CEP135: variants seen among roughly 807,000 people sequenced by gnomAD.
CEP135 encodes the protein centrosomal protein 135.
A neutral mutation model predicts 157.3 loss-of-function variants in CEP135; 142 were observed. The ratio of observed to expected loss-of-function variants is 0.90; its 90% CI spans 0.79 to 1.04. The LOEUF (loss-of-function observed/expected upper bound fraction) is 1.04, where lower values mean the gene tolerates loss of function less well. Among genes scored for constraint, CEP135 ranks in the 50% least tolerant of loss-of-function variants. CEP135 has a pLI of 0.00. For synonymous variants in CEP135, 396 were observed against 439.8 expected, an observed-to-expected ratio of 0.90 and a Z score of 1.25; for missense variants, 1,317 against 1,309.2, an observed-to-expected ratio of 1.01 and a Z score of -0.09.
At chr4:55,977,990 C>T (rs1018043682) in intron 11 of CEP135, among the ~76,000 whole-genome samples, 1 of 152,166 alleles carries the variant, frequency 6.6e-6, no homozygotes, top group Non-Finnish European at 1.5e-5. Flanking sequence ...ACAGTTCCTG[C>T]CCTTACAGCC....
chr4:55,953,400 G>T (rs1372295878), intron 3 of CEP135, 125 bp downstream of exon 3: 1 of 676,404 alleles, frequency 1.5e-6, no homozygotes, highest in Non-Finnish European at 2.3e-6. Flanking sequence ...GCTGGATGGT[G>T]TGTGCCTATA....
At chr4:56,020,372 C>G (rs771233164) in intron 23 of CEP135, among the ~76,000 whole-genome samples, 1 of 152,162 alleles carries the variant, frequency 6.6e-6, no homozygotes, top group Non-Finnish European at 1.5e-5. Flanking sequence ...ATTAATATTT[C>G]TCTTTCCAAG....
In CEP135 at chr4:55,962,715, CT is replaced by C. The variant is rs1282764971; in HGVS notation, c.700-1551del. ...CATGACTTCATTTTTTTCCAGTTTTCTTTTTTTTAAGCCTCTTTTTTTTTTT... is the reference window on the plus strand; with the variant it reads ...CATGACTTCATTTTTTTCCAGTTTTCTTTTTTTAAGCCTCTTTTTTTTTTT... On this transcript the variant is annotated intron_variant, in intron 6 of 25. Transcript: ENST00000257287. Among the ~76,000 whole-genome samples, 16 of 130,708 alleles carry C rather than the reference CT, an allele frequency of 1.2e-4. No homozygotes were observed. In the South Asian group the frequency reaches 1.5e-3, roughly 12 times the overall value. The allele number at this position is 130,708 out of a possible 152,430, so 85.7% of individuals were successfully genotyped here.
At chr4:55,991,192 A>G (rs1035765951) in intron 14 of CEP135, among the ~76,000 whole-genome samples, 3 of 152,018 alleles carry the variant, frequency 2.0e-5, no homozygotes, top group African/African-American at 4.8e-5. Context: ...TAGCCAGGAT[A>G]GTCTCCATCT....
chr4:55,982,144 C>T (rs542099067), intron 13 of CEP135, among the ~76,000 whole-genome samples: 4 of 152,256 alleles, frequency 2.6e-5, no homozygotes, highest in African/African-American at 7.2e-5. Context: ...CCACAGGCAG[C>T]CACCTGTGTC....
chr4:56,028,232 T>C (rs969860383), intron 25 of CEP135, among the ~76,000 whole-genome samples: 1 of 152,186 alleles, frequency 6.6e-6, no homozygotes, highest in African/African-American at 2.4e-5. Context: ...TCTTTTAGTA[T>C]ATACCTGAGA....
chr4:56,001,646 TTGGATAGCTGTA>T (rs1046781837), intron 17 of CEP135, among the ~76,000 whole-genome samples: 1 of 152,178 alleles, frequency 6.6e-6, no homozygotes, highest in African/African-American at 2.4e-5. Flanking sequence ...ACCATGCTGA[TTGGATAGCTGTA>T]TGGTATATTT....
At chr4:56,007,225 G>C (rs1360122756) in intron 17 of CEP135, among the ~76,000 whole-genome samples, 3 of 152,108 alleles carry the variant, frequency 2.0e-5, no homozygotes, top group Non-Finnish European at 2.9e-5. Flanking sequence ...GGTTACATTT[G>C]CTTAGAGATT....
rs781133646 is a variant in CEP135, at chr4:55,999,660, A to G, written c.2280+15A>G. The stretch of plus-strand genomic sequence containing the variant: ...TAGCTAATAAAGTATGTGATCGTTT[A>G]ATGTAATTTTCCAGCATCCAAACAG... On this transcript the variant is annotated intron_variant, in intron 17 of 25. Transcript: ENST00000257287. 6.3e-7 allele frequency: 1 copy of G among 1,577,448 alleles called. No homozygotes were observed. The highest frequency in any genetic ancestry group is 8.5e-7 in the Non-Finnish European group (1 of 1,170,458).
chr4:56,016,411 T>G (rs1162253003), intron 21 of CEP135, among the ~76,000 whole-genome samples: 1 of 152,014 alleles, frequency 6.6e-6, no homozygotes, highest in East Asian at 1.9e-4. Flanking sequence ...ATTAAAGGAG[T>G]GCCTTTCAAC....
At chr4:55,982,667 C>A (rs1729454405) in intron 13 of CEP135, among the ~76,000 whole-genome samples, 1 of 152,026 alleles carries the variant, frequency 6.6e-6, no homozygotes, top group South Asian at 2.1e-4. Flanking sequence ...TACATACAGC[C>A]CCTTATTAGA....
rs1206847670 is a variant in CEP135, at chr4:56,019,465, A to G, written c.3125A>G (p.Asp1042Gly). The G allele has an allele frequency of 3.1e-6, 5 of 1,613,948 alleles. No individual in the cohort carries two copies. Among genetic ancestry groups the G allele is most frequent in the Middle Eastern group, 1.6e-4 (1 of 6,082 alleles). ...GAATCATTGTTGGCTACAAACAGAG[A>G]TAAAGAATTTCATTCTCACTTAACC... ...NLESLLATNR[D>G]KEFHSHLTSH... is the part of the protein sequence containing the mutation. Residue 1042 changes from aspartate (D) to glycine (G), a missense_variant, in exon 23 of 26, where the codon GAT becomes GGT. Physicochemically the swap from Asp to Gly is moderately conservative, Grantham distance 94 (BLOSUM62 -1). Transcript: ENST00000257287.
At chr4:56,026,264 C>A (rs1341424362) in intron 25 of CEP135, among the ~76,000 whole-genome samples, 2 of 152,008 alleles carry the variant, frequency 1.3e-5, no homozygotes, top group Non-Finnish European at 2.9e-5. Flanking sequence ...ACTACTTGAG[C>A]CCAGTTCAAA....
chr4:56,023,094 A>C (rs73240508), intron 24 of CEP135, among the ~76,000 whole-genome samples: 3 of 152,108 alleles, frequency 2.0e-5, no homozygotes, highest in Admixed American at 2.0e-4. Context: ...TTAGCTGGCC[A>C]TGAAAGTGTG....
At chr4:55,969,256 G>A (rs1295431835) in intron 9 of CEP135, 128 bp downstream of exon 9, 7 of 640,442 alleles carry the variant, frequency 1.1e-5, no homozygotes, top group Admixed American at 9.0e-5. Context: ...GCGAAACCCC[G>A]TCTCTACTAA....
At chr4:55,990,203 T>C (rs1729738594) in intron 14 of CEP135, among the ~76,000 whole-genome samples, 4 of 152,220 alleles carry the variant, frequency 2.6e-5, no homozygotes, top group Admixed American at 2.6e-4. Flanking sequence ...TGCCTTTAAA[T>C]ATGTTTTGAA....
At chr4:56,031,131 CTAAATAAATAAA>C (rs558510777) in intron 25 of CEP135, among the ~76,000 whole-genome samples, 6 of 151,596 alleles carry the variant, frequency 4.0e-5, no homozygotes, top group Middle Eastern at 3.4e-3. Flanking sequence ...GACCCTATCT[CTAAATAAATAAA>C]TAAATAAATA....
intron 13 of CEP135, among the ~76,000 whole-genome samples, chr4:55,983,120 G>C (rs1451080783): frequency 6.6e-6 from 1 of 152,120 alleles, no homozygotes; most frequent in African/African-American, 2.4e-5. Context: ...TTGGAATACT[G>C]CTTTCCAGAA....
intron 14 of CEP135, 38 bp downstream of exon 14, chr4:55,985,396 T>A (rs767410164): frequency 1.1e-6 from 1 of 915,740 alleles, no homozygotes; most frequent in Non-Finnish European, 1.7e-6. Flanking sequence ...TCTTGTGTTA[T>A]ATGAATAACT....
Sources: allele counts gnomAD v4.1 joint callset (sites outside exome capture counted in the v4.1 genomes callset), GRCh38; gene constraint gnomAD v4.1.1; transcripts MANE v1.5; gene names NCBI Gene and HGNC (gene_info 2026-07-23, HGNC 2026-07-21).